The following PCDHGA1 variants were observed in gnomAD, a reference collection of about 807,000 sequenced individuals.
The protein encoded by PCDHGA1 is protocadherin gamma-A1.
Under a neutral mutation model 58.0 loss-of-function variants are expected in PCDHGA1, and 32 were observed. That is an observed-to-expected ratio of 0.55 (90% CI 0.42 to 0.74). The LOEUF (loss-of-function observed/expected upper bound fraction) is 0.74. Ranked by LOEUF, PCDHGA1 falls within the 30% of genes least tolerant of loss-of-function variation. The probability of loss-of-function intolerance (pLI) is 0.00; values close to 1 mark genes in which losing one functional copy is unlikely to be tolerated. For missense variants in PCDHGA1, 1,205 were observed against 1,182.3 expected (o/e 1.02, Z -0.28); for synonymous variants, 498 against 501.1 (o/e 0.99, Z 0.08).
chr5:141,332,364 C>G lies in PCDHGA1; in HGVS notation c.1680C>G (p.Pro560=), dbSNP rs200405477. ...TGCTGGACCAGAACGACAACGCGCC[C>G]GAGATCCTGTACCCCGCCCTCCCCA... ...LFLLDQNDNA[P]EILYPALPTD... is the part of the protein sequence containing the mutation. Residue 560 remains proline, a synonymous_variant, in exon 1 of 4, where the codon CCC becomes CCG. Transcript: ENST00000517417. This position sits in a 1 kb window ranked among gnomAD's most constrained non-coding sequence, Gnocchi z 4.6. The G allele has an allele frequency of 1.7e-4, 280 of 1,614,096 alleles. No homozygotes were observed. Among genetic ancestry groups the G allele is most frequent in the Non-Finnish European group, 2.2e-4 (257 of 1,180,052 alleles).
At chr5:141,438,591 C>CATATATATATATATATATAT (rs946798767) in intron 1 of PCDHGA1, among the ~76,000 whole-genome samples, 1 of 75,562 alleles carries the variant, frequency 1.3e-5, no homozygotes, top group Non-Finnish European at 2.7e-5. Context: ...TACATACATA[C>CATATATATATATATATATAT]ATATATATAT....
In PCDHGA1 at chr5:141,339,062, A is replaced by C. The variant is rs1263269369; in HGVS notation, c.2421+5957A>C. The C allele has an allele frequency of 5.0e-6, 8 of 1,612,628 alleles. No individual in the cohort carries two copies. The African/African-American group carries it at 1.1e-4, about 22-fold the overall frequency. On this transcript the variant is annotated intron_variant, in intron 1 of 3. Transcript: ENST00000517417. ...CCTGTGGGAGGCCAGGGCCGGGCAG[A>C]TTCGCTATTCTGTGCGGGAAGAGAT...
chr5:141,421,880 G>A (rs761272704), intron 1 of PCDHGA1: 3 of 1,613,600 alleles, frequency 1.9e-6, no homozygotes, highest in East Asian at 4.5e-5. Flanking sequence ...GCTTTAGATG[G>A]AGGCGATCCC....
intron 1 of PCDHGA1, chr5:141,366,358 C>T (rs746214325): frequency 6.2e-7 from 1 of 1,614,016 alleles, no homozygotes; most frequent in South Asian, 1.1e-5. Context: ...CTGACCTAGG[C>T]AGTATCAAGA....
In PCDHGA1 at chr5:141,477,292, A is replaced by G; in HGVS notation, c.2422-17515A>G. The G allele has an allele frequency of 1.2e-6, 2 of 1,614,114 alleles. No individual in the cohort carries two copies. The highest frequency in any genetic ancestry group is 4.5e-5 in the East Asian group (2 of 44,862). On this transcript the variant is annotated intron_variant, in intron 1 of 3. Transcript: ENST00000517417. The surrounding 1 kb of genome is among the most constrained non-coding windows in gnomAD (Gnocchi z 4.9). ...ACGGGCTGGTGACCTGCGAAGTTCCACCGGGTCTCCCTTTCAGCCTTACTT... is the reference window on the plus strand; with the variant it reads ...ACGGGCTGGTGACCTGCGAAGTTCCGCCGGGTCTCCCTTTCAGCCTTACTT...
chr5:141,415,077 A>C, intron 1 of PCDHGA1: 2 of 1,613,468 alleles, frequency 1.2e-6, no homozygotes, highest in Non-Finnish European at 1.7e-6. Flanking sequence ...GCACGGCGCG[A>C]GCCCTGCTGG....
chr5:141,403,713 A>C (rs2094445702), intron 1 of PCDHGA1: 3 of 1,613,946 alleles, frequency 1.9e-6, no homozygotes, highest in Non-Finnish European at 2.5e-6. Flanking sequence ...GTCCTTGAGA[A>C]CGTGCCCCCA....
chr5:141,503,556 G>A (rs1021346255), intron 2 of PCDHGA1, among the ~76,000 whole-genome samples: 1 of 145,962 alleles, frequency 6.9e-6, no homozygotes, highest in East Asian at 2.0e-4. Context: ...CCGAGATCGC[G>A]CCACTGTACT....
At chr5:141,495,379 C>T (rs989240656) in intron 2 of PCDHGA1, among the ~76,000 whole-genome samples, 3 of 152,208 alleles carry the variant, frequency 2.0e-5, no homozygotes, top group Non-Finnish European at 4.4e-5. Context: ...TGAGGAAGGA[C>T]TGGGCGGGGC....
At chr5:141,351,828 C>T (rs868552248) in intron 1 of PCDHGA1, 30 of 1,613,108 alleles carry the variant, frequency 1.9e-5, no homozygotes, top group Non-Finnish European at 2.5e-5. Context: ...CAGCTGCGCG[C>T]CTTCGAGCTC....
chr5:141,400,798 A>G (rs2094077333), intron 1 of PCDHGA1: 2 of 559,100 alleles, frequency 3.6e-6, no homozygotes, highest in Non-Finnish European at 6.3e-6. Flanking sequence ...TCTTTCTCAA[A>G]GCTAATGAAT....
At chr5:141,335,742 T>C (rs1458424696) in intron 1 of PCDHGA1, among the ~76,000 whole-genome samples, 2 of 152,154 alleles carry the variant, frequency 1.3e-5, no homozygotes, top group Non-Finnish European at 2.9e-5. Flanking sequence ...GTTCAGCAAA[T>C]TGCAAAGTAC....
chr5:141,339,345 A>G (rs779121268), intron 1 of PCDHGA1: 2 of 1,614,254 alleles, frequency 1.2e-6, no homozygotes, highest in East Asian at 2.2e-5. Context: ...GAAATAACAG[A>G]TATTAACGAT....
chr5:141,495,465 G>A (rs563411010), intron 2 of PCDHGA1, among the ~76,000 whole-genome samples: 3 of 152,182 alleles, frequency 2.0e-5, no homozygotes, highest in Non-Finnish European at 2.9e-5. Context: ...TGTCTGTGGG[G>A]TCTCCGTGTC....
intron 1 of PCDHGA1, chr5:141,441,702 A>G: frequency 3.2e-6 from 1 of 309,906 alleles, no homozygotes. Context: ...GCGAGCCTTC[A>G]AGCTCACGCT....
At chr5:141,497,142 C>T (rs1316569011) in intron 2 of PCDHGA1, among the ~76,000 whole-genome samples, 2 of 149,678 alleles carry the variant, frequency 1.3e-5, no homozygotes, top group South Asian at 2.1e-4. Context: ...GCTGAGATCA[C>T]GAAAAAAAAA....
At chr5:141,419,789 G>A (rs758649709) in intron 1 of PCDHGA1, 2 of 1,614,068 alleles carry the variant, frequency 1.2e-6, no homozygotes, top group South Asian at 2.2e-5. Context: ...GCGCCTGCTA[G>A]TCGCTGTAAG....
At chr5:141,355,739 T>C in intron 1 of PCDHGA1, 1 of 1,613,992 alleles carries the variant, frequency 6.2e-7, no homozygotes, top group Non-Finnish European at 8.5e-7. Flanking sequence ...TACTTTTCCC[T>C]GGACGTGCAA....
rs2099455203 is a variant in PCDHGA1 at position 141,478,427 on chromosome 5, C to T, written c.2422-16380C>T. The T allele has an allele frequency of 1.9e-6, 3 of 1,613,742 alleles. No individual in the cohort carries two copies. Among genetic ancestry groups the T allele is most frequent in the Non-Finnish European group, 2.5e-6 (3 of 1,180,014 alleles). On this transcript the variant is annotated intron_variant, in intron 1 of 3. Coordinates refer to ENST00000517417, the MANE Select transcript of PCDHGA1 (RefSeq NM_018912.3). ...CACCACGGACTCCCGCCGCAGCGAC[C>T]CGCTGCTGAAGAAACCTGGTGCAGC...
Sources: gnomAD v4.1 joint callset for allele counts (sites outside exome capture counted in the v4.1 genomes callset) on GRCh38, gnomAD v4.1.1 for gene constraint, Gnocchi (gnomAD v3.1) non-coding constraint, MANE v1.5 for transcripts, NCBI Gene and HGNC (gene_info 2026-07-23, HGNC 2026-07-21) for gene names.